The following ADAMTS14 variants were observed in gnomAD, a reference collection of about 807,000 sequenced individuals.
ADAMTS14 encodes the protein ADAM metallopeptidase with thrombospondin type 1 motif 14.
Under a neutral mutation model 128.6 loss-of-function variants are expected in ADAMTS14, and 100 were observed. That is an observed-to-expected ratio of 0.78 (90% CI 0.66 to 0.92). The LOEUF is 0.92. Among genes scored for constraint, ADAMTS14 ranks in the 40% least tolerant of loss-of-function variants. ADAMTS14 has a pLI of 0.00. For synonymous variants in ADAMTS14, 665 were observed against 653.8 expected, an observed-to-expected ratio of 1.02 and a Z score of -0.26; for missense variants, 1,562 against 1,658.6, an observed-to-expected ratio of 0.94 and a Z score of 1.01.
intron 4 of ADAMTS14, among the ~76,000 whole-genome samples, chr10:70,725,683 A>G (rs1464998727): frequency 1.3e-5 from 2 of 152,116 alleles, no homozygotes; most frequent in African/African-American, 4.8e-5. Context: ...CTATCTCCTA[A>G]TACCATTCCC....
intron 16 of ADAMTS14, among the ~76,000 whole-genome samples, chr10:70,750,895 C>CT (rs545479232): frequency 8.4e-4 from 128 of 152,216 alleles, no homozygotes; most frequent in African/African-American, 3.1e-3. Context: ...CCATACAACT[C>CT]TTAGAAAAGA....
chr10:70,700,476 G>A (rs1159524095), intron 2 of ADAMTS14, among the ~76,000 whole-genome samples: 2 of 152,194 alleles, frequency 1.3e-5, no homozygotes, highest in East Asian at 3.9e-4. Context: ...GTCTCTGGTG[G>A]CAGAGAGGAG....
At chr10:70,675,773 C>T (rs1025505749) in intron 2 of ADAMTS14, among the ~76,000 whole-genome samples, 2 of 152,344 alleles carry the variant, frequency 1.3e-5, no homozygotes, top group East Asian at 1.9e-4. Context: ...CCTCGCTGCT[C>T]CTCCTCAGTG....
At position 70,749,813 on chromosome 10, in the gene ADAMTS14, A is replaced by G. The variant is rs199709019; in HGVS notation, c.2264-9A>G. On this transcript the variant is annotated splice_polypyrimidine_tract_variant and intron_variant, in intron 15 of 21. Coordinates refer to ENST00000373207, the MANE Select transcript of ADAMTS14 (RefSeq NM_080722.4). ...GAAATCTGTGTGACCCTCTCCCCCC[A>G]CCGGTCAGTGGTGAAGAACCAGGTC... The G allele has an allele frequency of 1.7e-4, 273 of 1,613,076 alleles. 1 individual carries two copies. In the African/African-American group the frequency reaches 3.5e-3, roughly 20 times the overall value.
chr10:70,745,589 A>G (rs1842154170), intron 15 of ADAMTS14: 4 of 451,364 alleles, frequency 8.9e-6, no homozygotes, highest in Admixed American at 3.4e-5. Context: ...ACTACTGTTA[A>G]TAATTTCTTG....
intron 2 of ADAMTS14, among the ~76,000 whole-genome samples, chr10:70,687,293 C>A (rs1351495966): frequency 9.1e-6 from 1 of 110,070 alleles, no homozygotes; most frequent in African/African-American, 3.0e-5. Context: ...GGGCTGACAC[C>A]CCCACCTCCC....
intron 7 of ADAMTS14, among the ~76,000 whole-genome samples, 155 bp downstream of exon 7, chr10:70,732,514 A>C (rs1419776804): frequency 6.6e-6 from 1 of 152,240 alleles, no homozygotes; most frequent in Non-Finnish European, 1.5e-5. Context: ...GGCCTCCTGC[A>C]GTTACCAGTA....
Position 70,746,240 on chromosome 10 carries a change from C to T in ADAMTS14, c.2263+934C>T, listed in dbSNP as rs528222686. On this transcript the variant is annotated intron_variant, in intron 15 of 21. Transcript: ENST00000373207. ...ACAGTTATCTAACTATGAAGCTAGG[C>T]TCGATTAAAAATGAGAATACCACAA... is the stretch of plus-strand genomic sequence containing the variant. 1.4e-4 allele frequency among the ~76,000 whole-genome samples: 21 copies of T among 152,236 alleles called. No individual in the cohort carries two copies. The East Asian group carries it at 3.9e-3, about 28-fold the overall frequency.
chr10:70,741,172 C>A lies in ADAMTS14; in HGVS notation c.1924+10C>A. 1 of 1,610,270 alleles carries A rather than the reference C, an allele frequency of 6.2e-7. No individual in the cohort carries two copies. The highest frequency in any genetic ancestry group is 8.5e-7 in the Non-Finnish European group (1 of 1,177,942). ...TACGAGCCTGACGATGGTGAGTGGG[C>A]CCCACCCCCCTCCCACTCCATGTCC... On this transcript the variant is annotated intron_variant, in intron 12 of 21. Transcript: ENST00000373207.
At chr10:70,755,738 A>G (rs1404726704) in intron 19 of ADAMTS14, among the ~76,000 whole-genome samples, 2 of 152,152 alleles carry the variant, frequency 1.3e-5, no homozygotes, top group Non-Finnish European at 2.9e-5. Context: ...AATCTCAGCT[A>G]CTCGGGAGGC....
chr10:70,753,136 A>G (rs960612895), intron 18 of ADAMTS14, among the ~76,000 whole-genome samples: 3 of 152,234 alleles, frequency 2.0e-5, no homozygotes, highest in African/African-American at 7.2e-5. Context: ...AGTGACTAAA[A>G]GATGCCTTGG....
Position 70,738,310 on chromosome 10 carries a change from C to T in ADAMTS14, c.1600-532C>T, listed in dbSNP as rs571884399. ...GGTGGGTAAACTGAGGCTCAGCAAGCTAAAGTAGCCACACGTAGCTAGTAT... is the reference window on the plus strand; with the variant it reads ...GGTGGGTAAACTGAGGCTCAGCAAGTTAAAGTAGCCACACGTAGCTAGTAT... On this transcript the variant is annotated intron_variant, in intron 10 of 21. Transcript: ENST00000373207. 6.6e-5 allele frequency among the ~76,000 whole-genome samples: 10 copies of T among 152,280 alleles called. No homozygotes were observed. In the South Asian group the frequency reaches 1.0e-3, roughly 16 times the overall value.
chr10:70,745,262 G>C lies in ADAMTS14; in HGVS notation c.2219G>C (p.Arg740Thr). ...CTGGTGCAGATCCCAGCAGGTGCCA[G>C]GCACATCCAGATTGAGGCACTGGAG... ...LKLVQIPAGA[R>T]HIQIEALEKS... Residue 740 changes from arginine (R) to threonine (T), a missense_variant, in exon 15 of 22, where the codon AGG (arginine) becomes ACG (threonine). Coordinates refer to ENST00000373207, the MANE Select transcript of ADAMTS14 (RefSeq NM_080722.4). 1 of 1,612,626 alleles carries C rather than the reference G, an allele frequency of 6.2e-7. No individual in the cohort carries two copies. Among genetic ancestry groups the C allele is most frequent in the Non-Finnish European group, 8.5e-7 (1 of 1,179,990 alleles).
At chr10:70,732,232 C>T in intron 6 of ADAMTS14, 22 bp from the exon 7 acceptor site, 2 of 1,610,100 alleles carry the variant, frequency 1.2e-6, no homozygotes, top group Middle Eastern at 1.7e-4. Flanking sequence ...CGCTCTCCAC[C>T]TTTTCTTTCT....
In ADAMTS14 at chr10:70,690,996, G is replaced by C. The variant is rs1437228548; in HGVS notation, c.523-11316G>C. ...AGAGGGGGAAGCCTCAGAGCCGCTT[G>C]GCTCCTGGGCACTCGGGAATGGAAT... On this transcript the variant is annotated intron_variant, in intron 2 of 21. Coordinates refer to ENST00000373207, the MANE Select transcript of ADAMTS14 (RefSeq NM_080722.4). Among the ~76,000 whole-genome samples the C allele has an allele frequency of 1.4e-5, 2 of 144,770 alleles. 1 individual carries two copies. Among genetic ancestry groups the C allele is most frequent in the Non-Finnish European group, 3.2e-5 (2 of 63,242 alleles). 95.0% of individuals were successfully genotyped at this position (144,770 alleles called of 152,430 possible).
At chr10:70,725,476 G>A (rs1022272924) in intron 4 of ADAMTS14, among the ~76,000 whole-genome samples, 4 of 152,178 alleles carry the variant, frequency 2.6e-5, no homozygotes, top group Admixed American at 6.5e-5. Flanking sequence ...CTGGAGGCTG[G>A]GAAGTCCAAG....
intron 4 of ADAMTS14, 42 bp downstream of exon 4, chr10:70,708,820 G>GGGT: frequency 7.4e-7 from 1 of 1,344,672 alleles, no homozygotes; most frequent in Non-Finnish European, 9.9e-7. Context: ...GAGTGGGGTG[G>GGGT]GGTGGGCCCC....
chr10:70,719,217 A>G (rs1336965912), intron 4 of ADAMTS14, among the ~76,000 whole-genome samples: 2 of 152,126 alleles, frequency 1.3e-5, no homozygotes, highest in Non-Finnish European at 2.9e-5. Flanking sequence ...TGCCACACAC[A>G]GGAATTTTCA....
chr10:70,683,275 G>C (rs1387917604), intron 2 of ADAMTS14, among the ~76,000 whole-genome samples: 3 of 152,280 alleles, frequency 2.0e-5, no homozygotes, highest in Non-Finnish European at 2.9e-5. Flanking sequence ...CTCTCTGAGA[G>C]TGGGAGCTGG....
Sources: gnomAD v4.1 joint callset for allele counts (sites outside exome capture counted in the v4.1 genomes callset) on GRCh38, gnomAD v4.1.1 for gene constraint, MANE v1.5 for transcripts, NCBI Gene and HGNC (gene_info 2026-07-23, HGNC 2026-07-21) for gene names.